Variants in TNNI3K observed in about 807,000 individuals in gnomAD.
TNNI3K encodes the protein TNNI3 interacting kinase.
In TNNI3K, 140 loss-of-function variants were observed where a neutral mutation model predicts 114.5. The observed-to-expected ratio is 1.22, with a 90% CI of 1.07 to 1.41. The LOEUF (loss-of-function observed/expected upper bound fraction) is 1.41, where lower values mean the gene tolerates loss of function less well. Ranked by LOEUF, TNNI3K falls within the 40% of genes most tolerant of loss-of-function variation. The pLI, the probability that TNNI3K is intolerant of heterozygous loss-of-function variation, is 0.00. For synonymous variants in TNNI3K, 347 were observed against 347.5 expected (o/e 1.00, Z 0.02); for missense variants, 1,125 against 1,007.6 (o/e 1.12, Z -1.58).
intron 17 of TNNI3K, among the ~76,000 whole-genome samples, chr1:74,422,712 T>A (rs922050092): frequency 6.6e-6 from 1 of 152,120 alleles, no homozygotes; most frequent in Non-Finnish European, 1.5e-5. Context: ...ATAAGATTCT[T>A]GTTTCCATTA....
intron 5 of TNNI3K, among the ~76,000 whole-genome samples, chr1:74,292,388 A>C (rs1314517041): frequency 6.6e-6 from 1 of 151,386 alleles, no homozygotes; most frequent in African/African-American, 2.4e-5. Context: ...TGTTTTTGGC[A>C]CATTTAAGTT....
rs754045949 is a variant in TNNI3K at position 74,369,206 on chromosome 1, G to A, written c.1415-1G>A. On this transcript the variant is annotated splice_acceptor_variant, in intron 14 of 24. Transcript: ENST00000326637. LOFTEE classifies it high-confidence loss of function. ...TATTTATTTATTTTAAACAATTGTA[G>A]GTTCTTTTGGGAAAGTATATAAAGG... 2.4e-5 allele frequency: 39 copies of A among 1,609,682 alleles called. 1 individual carries two copies. The Middle Eastern group carries it at 5.0e-4, about 20-fold the overall frequency.
At chr1:74,530,653 G>T (rs1646570079) in intron 23 of TNNI3K, among the ~76,000 whole-genome samples, 1 of 152,000 alleles carries the variant, frequency 6.6e-6, no homozygotes, top group African/African-American at 2.4e-5. Context: ...TTCTTGGTAA[G>T]ATGGTAGGTG....
rs115783133 is a variant in TNNI3K at position 74,293,467 on chromosome 1, A to G, written c.444+21759A>G. On this transcript the variant is annotated intron_variant, in intron 5 of 24. Coordinates refer to ENST00000326637, the MANE Select transcript of TNNI3K (RefSeq NM_015978.3). ...TTACATTTTATTATATATTAAAATC[A>G]GATTGGTAATTCTGTGATTTTTGAT... Among the ~76,000 whole-genome samples the G allele has an allele frequency of 8.8e-3, 1,338 of 151,814 alleles. 22 individuals carry two copies. Among genetic ancestry groups the G allele is most frequent in the African/African-American group, 0.03 (1,254 of 41,518 alleles).
At chr1:74,353,006 T>C (rs2100476825) in intron 9 of TNNI3K, among the ~76,000 whole-genome samples, 1 of 152,234 alleles carries the variant, frequency 6.6e-6, no homozygotes, top group African/African-American at 2.4e-5. Flanking sequence ...ACCCAGTACC[T>C]CAGTTGGAAA....
intron 23 of TNNI3K, among the ~76,000 whole-genome samples, chr1:74,508,028 A>G (rs766503916): frequency 1.3e-5 from 2 of 152,198 alleles, no homozygotes; most frequent in Non-Finnish European, 2.9e-5. Context: ...ATGTATTATA[A>G]TGCAATGTGA....
At chr1:74,489,033 C>A (rs529000357) in intron 21 of TNNI3K, among the ~76,000 whole-genome samples, 156 bp from the exon 22 acceptor site, 1 of 152,270 alleles carries the variant, frequency 6.6e-6, no homozygotes, top group East Asian at 1.9e-4. Context: ...AGCAAATGAA[C>A]ATTCAATTAA....
intron 21 of TNNI3K, chr1:74,472,275 C>A (rs960856714): frequency 2.5e-5 from 17 of 678,578 alleles, no homozygotes; most frequent in Admixed American, 1.6e-4. Context: ...TGCGTAGAAA[C>A]CTTATGAAAA....
chr1:74,519,481 T>C (rs932941271), intron 23 of TNNI3K, among the ~76,000 whole-genome samples: 5 of 143,272 alleles, frequency 3.5e-5, no homozygotes, highest in Non-Finnish European at 3.0e-5. Flanking sequence ...ATGGTTGAAC[T>C]AGTTTACAGT....
chr1:74,353,928 G>T (rs1661520771), intron 10 of TNNI3K, 52 bp from the exon 11 acceptor site: 1 of 1,564,512 alleles, frequency 6.4e-7, no homozygotes, highest in South Asian at 1.2e-5. Flanking sequence ...GAAAATTGGG[G>T]AGCAGTTTTT....
chr1:74,302,730 G>A (rs1029426453), intron 5 of TNNI3K, among the ~76,000 whole-genome samples: 1 of 152,180 alleles, frequency 6.6e-6, no homozygotes, highest in African/African-American at 2.4e-5. Flanking sequence ...ATGAGGAAAT[G>A]CATAAGAAAA....
intron 5 of TNNI3K, among the ~76,000 whole-genome samples, chr1:74,316,020 ATATAAT>A (rs774027024): frequency 2.3e-4 from 35 of 152,346 alleles, no homozygotes; most frequent in Non-Finnish European, 4.4e-4. Flanking sequence ...AAAATTTGAA[ATATAAT>A]TATATACATT....
At chr1:74,313,247 G>T (rs1250178413) in intron 5 of TNNI3K, among the ~76,000 whole-genome samples, 2 of 152,030 alleles carry the variant, frequency 1.3e-5, no homozygotes, top group East Asian at 3.9e-4. Flanking sequence ...CATAACATGC[G>T]ATTTATCTCT....
chr1:74,521,737 A>T (rs1361935724), intron 23 of TNNI3K, among the ~76,000 whole-genome samples: 1 of 152,162 alleles, frequency 6.6e-6, no homozygotes, highest in Non-Finnish European at 1.5e-5. Context: ...AATTTATGAT[A>T]AGAAGGGCAC....
intron 5 of TNNI3K, among the ~76,000 whole-genome samples, chr1:74,279,429 C>A (rs559682939): frequency 6.6e-6 from 1 of 152,276 alleles, no homozygotes; most frequent in African/African-American, 2.4e-5. Flanking sequence ...AACCAGTGAA[C>A]TTCTTTGAAA....
intron 17 of TNNI3K, among the ~76,000 whole-genome samples, chr1:74,415,776 GT>G (rs1006207405): frequency 1.4e-5 from 2 of 147,730 alleles, no homozygotes; most frequent in Non-Finnish European, 3.0e-5. Flanking sequence ...TATATATCCC[GT>G]TCTTGGTTTT....
chr1:74,360,705 A>T (rs1661916893), intron 11 of TNNI3K, among the ~76,000 whole-genome samples: 1 of 151,958 alleles, frequency 6.6e-6, no homozygotes, highest in Admixed American at 6.6e-5. Context: ...GGTCTTCAAG[A>T]CTTAGTTTAT....
chr1:74,262,052 A>T (rs989129414), intron 4 of TNNI3K, among the ~76,000 whole-genome samples: 2 of 151,960 alleles, frequency 1.3e-5, no homozygotes, highest in Non-Finnish European at 2.9e-5. Flanking sequence ...AATATCTTTT[A>T]TCCTGACTTT....
intron 23 of TNNI3K, among the ~76,000 whole-genome samples, chr1:74,493,440 T>C (rs1198799857): frequency 1.3e-5 from 2 of 152,060 alleles, no homozygotes; most frequent in African/African-American, 4.8e-5. Context: ...GAAAAAGAAA[T>C]CAACATTCTT....
Sources: allele counts gnomAD v4.1 joint callset (sites outside exome capture counted in the v4.1 genomes callset), GRCh38; gene constraint gnomAD v4.1.1; transcripts MANE v1.5; gene names NCBI Gene and HGNC (gene_info 2026-07-23, HGNC 2026-07-21).